L3MBTL4: variants seen among roughly 807,000 people sequenced by gnomAD.
L3MBTL4 encodes the protein L3MBTL histone methyl-lysine binding protein 4.
A neutral mutation model predicts 84.5 loss-of-function variants in L3MBTL4; 70 were observed. The observed-to-expected ratio is 0.83, with a 90% CI of 0.68 to 1.01. The LOEUF (loss-of-function observed/expected upper bound fraction) is 1.01, where lower values mean the gene tolerates loss of function less well. Among genes scored for constraint, L3MBTL4 ranks in the 50% least tolerant of loss-of-function variants. L3MBTL4 has a pLI of 0.00. For missense variants in L3MBTL4, 715 were observed against 754.8 expected (o/e 0.95, Z 0.62); for synonymous variants, 274 against 259.8 (o/e 1.05, Z -0.52).
chr18:6,064,371 A>T (rs1598613333), intron 16 of L3MBTL4, among the ~76,000 whole-genome samples: 2 of 152,136 alleles, frequency 1.3e-5, no homozygotes, highest in Non-Finnish European at 2.9e-5. Flanking sequence ...GAATTTTAGA[A>T]TGGGTTTTTC....
intron 16 of L3MBTL4, among the ~76,000 whole-genome samples, chr18:6,039,632 C>T (rs538728975): frequency 1.7e-4 from 26 of 152,292 alleles, no homozygotes; most frequent in Non-Finnish European, 2.2e-4. Flanking sequence ...CACACATACA[C>T]GCATACCCTC....
chr18:6,045,189 A>G (rs2145750122), intron 16 of L3MBTL4, among the ~76,000 whole-genome samples: 1 of 152,360 alleles, frequency 6.6e-6, no homozygotes, highest in South Asian at 2.1e-4. Flanking sequence ...CAGACCGTTC[A>G]GCAGAAACCT....
chr18:6,209,597 A>AATCTGAAAT (rs2046018585), intron 12 of L3MBTL4, among the ~76,000 whole-genome samples: 1 of 152,244 alleles, frequency 6.6e-6, no homozygotes, highest in East Asian at 1.9e-4. Context: ...TTTTCCTCAA[A>AATCTGAAAT]ATCTGAAATA....
At chr18:6,308,011 A>C (rs1207504684) in intron 3 of L3MBTL4, among the ~76,000 whole-genome samples, 1 of 152,208 alleles carries the variant, frequency 6.6e-6, no homozygotes, top group Middle Eastern at 3.2e-3. Context: ...TACACACTAG[A>C]CATCAATGAA....
At chr18:6,160,500 G>A (rs2043284810) in intron 13 of L3MBTL4, among the ~76,000 whole-genome samples, 3 of 152,204 alleles carry the variant, frequency 2.0e-5, no homozygotes, top group African/African-American at 7.2e-5. Context: ...GGGAGGCCAA[G>A]GTGGGCGGAT....
intron 16 of L3MBTL4, among the ~76,000 whole-genome samples, chr18:6,057,449 A>C (rs1407908008): frequency 6.6e-6 from 1 of 152,254 alleles, no homozygotes; most frequent in Non-Finnish European, 1.5e-5. Context: ...AAAGGCAAAT[A>C]AAAGAGAAAA....
intron 12 of L3MBTL4, among the ~76,000 whole-genome samples, chr18:6,212,615 C>T (rs2046156715): frequency 1.3e-5 from 2 of 151,888 alleles, no homozygotes; most frequent in South Asian, 2.1e-4. Flanking sequence ...TTTTATTTGA[C>T]AAAGAAAAGC....
In L3MBTL4 at chr18:5,958,014, G is replaced by GAGA. The variant is rs141926445; in HGVS notation, c.1678-1628_1678-1627insTCT. Among the ~76,000 whole-genome samples the GAGA allele has an allele frequency of 4.3e-4, 56 of 131,226 alleles. 1 individual carries two copies. The highest frequency in any genetic ancestry group is 5.4e-4 in the Non-Finnish European group (33 of 60,942). 86.1% of individuals were successfully genotyped at this position (131,226 alleles called of 152,430 possible). On this transcript the variant is annotated intron_variant, in intron 18 of 18. Coordinates refer to ENST00000317931, the MANE Select transcript of L3MBTL4 (RefSeq NM_001330559.2). ...AAAAAGAAGGAAGGAGAAGGAGGAGGAGGAGAAGGAGAAAGAGGAGGAGGA... is the reference window on the plus strand; with the variant it reads ...AAAAAGAAGGAAGGAGAAGGAGGAGGAGAAGGAGAAGGAGAAAGAGGAGGAGGA...
chr18:6,170,541 TGCATAGACTCTGG>T (rs2043918289), intron 13 of L3MBTL4, among the ~76,000 whole-genome samples: 1 of 152,140 alleles, frequency 6.6e-6, no homozygotes, highest in Non-Finnish European at 1.5e-5. Flanking sequence ...TTTGGTTTGA[TGCATAGACTCTGG>T]GATGCTTCTG....
At chr18:6,384,630 A>G (rs1343787393) in intron 1 of L3MBTL4, among the ~76,000 whole-genome samples, 2 of 152,234 alleles carry the variant, frequency 1.3e-5, no homozygotes, top group South Asian at 2.1e-4. Flanking sequence ...CCTTGCATCA[A>G]AAGTGGATTC....
intron 12 of L3MBTL4, among the ~76,000 whole-genome samples, chr18:6,179,689 C>T (rs2044380838): frequency 1.3e-5 from 2 of 152,234 alleles, no homozygotes; most frequent in Admixed American, 1.3e-4. Context: ...CATACACAGA[C>T]ATGGCACAGC....
chr18:6,239,866 G>A lies in L3MBTL4; in HGVS notation c.559C>T (p.Pro187Ser), dbSNP rs777228939. The change falls in exon 9 of 19, where the codon CCA (proline) becomes TCA (serine). Residue 187 changes from proline (P) to serine (S), a missense_variant. Physicochemically the swap from Pro to Ser is moderately conservative, Grantham distance 74. Coordinates refer to ENST00000317931, the MANE Select transcript of L3MBTL4 (RefSeq NM_001330559.2). Reference protein sequence around the residue: ...KLFRNRSPNGPMSKEFQVGMK... With the variant: ...KLFRNRSPNGSMSKEFQVGMK... ...CCAACCTGAAATTCTTTAGACATTG[G>A]CCCATTCTAACGCAGCACCAGCAGG... The A allele has an allele frequency of 1.7e-5, 27 of 1,613,932 alleles. No individual in the cohort carries two copies. Among genetic ancestry groups the A allele is most frequent in the Non-Finnish European group, 2.3e-5 (27 of 1,180,018 alleles).
chr18:6,411,161 AT>A (rs1389210701), intron 1 of L3MBTL4, among the ~76,000 whole-genome samples: 1 of 152,226 alleles, frequency 6.6e-6, no homozygotes, highest in African/African-American at 2.4e-5. Context: ...GAAGAGCTTC[AT>A]TTCCCCCAAG....
intron 15 of L3MBTL4, 113 bp from the exon 16 acceptor site, chr18:6,081,064 C>A: frequency 1.4e-6 from 1 of 712,020 alleles, no homozygotes; most frequent in Non-Finnish European, 2.2e-6. Flanking sequence ...AGTGAATTGG[C>A]AGGTATTTTG....
chr18:6,357,697 T>A (rs1243598093), intron 1 of L3MBTL4, among the ~76,000 whole-genome samples: 1 of 152,218 alleles, frequency 6.6e-6, no homozygotes, highest in Non-Finnish European at 1.5e-5. Context: ...CAATATCATT[T>A]GAGAAAATTC....
intron 4 of L3MBTL4, among the ~76,000 whole-genome samples, 161 bp downstream of exon 4, chr18:6,301,742 C>T (rs1422652040): frequency 1.3e-5 from 2 of 152,150 alleles, no homozygotes; most frequent in African/African-American, 4.8e-5. Context: ...TTAGATGACA[C>T]TGATAAAGTC....
intron 5 of L3MBTL4, among the ~76,000 whole-genome samples, chr18:6,261,365 G>A (rs887995543): frequency 1.3e-5 from 2 of 152,204 alleles, no homozygotes; most frequent in Non-Finnish European, 2.9e-5. Context: ...ACACTTTGCT[G>A]TTACTTTCAG....
At chr18:6,396,354 GA>G in intron 1 of L3MBTL4, 1 of 152,622 alleles carries the variant, frequency 6.6e-6, no homozygotes, top group Non-Finnish European at 1.5e-5. Flanking sequence ...GATCCCAGTG[GA>G]AGGTGCCCCT....
chr18:6,412,952 C>T (rs765082154), intron 1 of L3MBTL4, among the ~76,000 whole-genome samples: 2 of 151,964 alleles, frequency 1.3e-5, no homozygotes, highest in Non-Finnish European at 2.9e-5. Flanking sequence ...ATTAGCCAGG[C>T]ATGGTGGTGC....
Sources: gnomAD v4.1 joint callset for allele counts (sites outside exome capture counted in the v4.1 genomes callset) on GRCh38, gnomAD v4.1.1 for gene constraint, MANE v1.5 for transcripts, NCBI Gene and HGNC (gene_info 2026-07-23, HGNC 2026-07-21) for gene names.